Variants in GNG2 observed in about 807,000 individuals in gnomAD.
The protein encoded by GNG2 is G protein subunit gamma 2.
In GNG2, 5 loss-of-function variants were observed where a neutral mutation model predicts 5.5. The observed-to-expected ratio is 0.91, with a 90% CI of 0.48 to 1.92. The LOEUF (loss-of-function observed/expected upper bound fraction) is 1.92. Among genes scored for constraint, GNG2 ranks in the 30% most tolerant of loss-of-function variants. The pLI, the probability that GNG2 is intolerant of heterozygous loss-of-function variation, is 0.01. For synonymous variants in GNG2, 28 were observed against 32.0 expected, an observed-to-expected ratio of 0.88 and a Z score of 0.42; for missense variants, 55 against 88.4, an observed-to-expected ratio of 0.62 and a Z score of 1.52.
At chr14:51,832,750 A>G (rs1594828138) in intron 2 of GNG2, among the ~76,000 whole-genome samples, 1 of 152,334 alleles carries the variant, frequency 6.6e-6, no homozygotes, top group Non-Finnish European at 1.5e-5. Context: ...ATTCCATTAT[A>G]AGGGCCTCAC....
intron 2 of GNG2, among the ~76,000 whole-genome samples, chr14:51,880,497 C>G (rs1883975618): frequency 1.3e-5 from 2 of 152,268 alleles, no homozygotes; most frequent in Admixed American, 6.5e-5. Context: ...TGAAATAGAT[C>G]ACTGGGTTAT....
At chr14:51,946,338 T>A (rs1161947643) in intron 2 of GNG2, among the ~76,000 whole-genome samples, 1 of 152,162 alleles carries the variant, frequency 6.6e-6, no homozygotes, top group African/African-American at 2.4e-5. Context: ...AATATTCAGA[T>A]GTTGTCTGAT....
intron 2 of GNG2, among the ~76,000 whole-genome samples, chr14:51,843,964 T>C (rs558799929): frequency 5.5e-4 from 84 of 152,348 alleles, no homozygotes; most frequent in African/African-American, 1.9e-3. Context: ...GTCACCACCT[T>C]GGTTTCCACC....
At chr14:51,924,086 T>G (rs1377228765) in intron 2 of GNG2, among the ~76,000 whole-genome samples, 1 of 152,230 alleles carries the variant, frequency 6.6e-6, no homozygotes, top group Non-Finnish European at 1.5e-5. Flanking sequence ...ACCTTATAAA[T>G]TAAGCCACTA....
At chr14:51,872,939 T>G (rs1277125453) in intron 1 of GNG2, among the ~76,000 whole-genome samples, 1 of 152,210 alleles carries the variant, frequency 6.6e-6, no homozygotes, top group Non-Finnish European at 1.5e-5. Context: ...GCTGTTTTAT[T>G]TTATAGTTTT....
intron 1 of GNG2, among the ~76,000 whole-genome samples, chr14:51,871,126 T>A (rs1187174623): frequency 6.6e-6 from 1 of 152,168 alleles, no homozygotes; most frequent in East Asian, 1.9e-4. Context: ...TTTAAAGGCT[T>A]TATTTGGGAG....
chr14:51,857,407 G>A (rs1882213482), upstream of GNG2, among the ~76,000 whole-genome samples: 1 of 152,210 alleles, frequency 6.6e-6, no homozygotes, highest in South Asian at 2.1e-4. Flanking sequence ...GCCCTAAGGT[G>A]AGAATGTGGA....
chr14:51,921,946 C>T (rs1438477894), intron 2 of GNG2, among the ~76,000 whole-genome samples: 1 of 152,174 alleles, frequency 6.6e-6, no homozygotes, highest in East Asian at 1.9e-4. Context: ...TCTTAATACA[C>T]CCAAATCTCT....
intron 2 of GNG2, among the ~76,000 whole-genome samples, chr14:51,944,346 G>A (rs756961664): frequency 2.6e-5 from 4 of 152,274 alleles, no homozygotes; most frequent in East Asian, 1.9e-4. Flanking sequence ...ATTTGGAAAC[G>A]GCTGTTTTTT....
chr14:51,891,331 C>T (rs1008761340), intron 2 of GNG2, among the ~76,000 whole-genome samples: 8 of 152,194 alleles, frequency 5.3e-5, no homozygotes, highest in Admixed American at 3.3e-4. Flanking sequence ...TCTGGTCTTT[C>T]GTAGCTTCAT....
chr14:51,878,595 T>C (rs1262008376), intron 2 of GNG2, among the ~76,000 whole-genome samples: 2 of 152,224 alleles, frequency 1.3e-5, no homozygotes, highest in African/African-American at 4.8e-5. Flanking sequence ...CATCCATCCA[T>C]TTACGCATTC....
At chr14:51,854,179 C>G (rs1882044010) in intron 2 of GNG2, among the ~76,000 whole-genome samples, 1 of 152,116 alleles carries the variant, frequency 6.6e-6, no homozygotes, top group Non-Finnish European at 1.5e-5. Context: ...CGGCCTATCC[C>G]TGAATGTCTA....
chr14:51,941,807 A>T (rs547944608), intron 2 of GNG2, among the ~76,000 whole-genome samples: 1 of 152,354 alleles, frequency 6.6e-6, no homozygotes, highest in East Asian at 1.9e-4. Flanking sequence ...TTATTGTTCC[A>T]TAACAGGCCT....
intron 2 of GNG2, chr14:51,916,563 C>A (rs17124735): frequency 2.3e-6 from 1 of 440,354 alleles, no homozygotes; most frequent in Non-Finnish European, 4.5e-6. Context: ...CCTGGGACAG[C>A]GGATTTGCAG....
intron 2 of GNG2, among the ~76,000 whole-genome samples, chr14:51,852,647 A>G (rs1433840042): frequency 6.6e-6 from 1 of 152,248 alleles, no homozygotes; most frequent in Non-Finnish European, 1.5e-5. Context: ...TGCCAAGTCA[A>G]TAATTTGAGA....
At chr14:51,872,310 T>TTGTGTGTGTGTGTGTGTGTG (rs35147124) in intron 1 of GNG2, among the ~76,000 whole-genome samples, 24 of 149,986 alleles carry the variant, frequency 1.6e-4, no homozygotes, top group African/African-American at 5.9e-4. Flanking sequence ...AATGACTATT[T>TTGTGTGTGTGTGTGTGTGTG]TGTGTGTGTG....
At chr14:51,895,232 T>G (rs1246855400) in intron 2 of GNG2, among the ~76,000 whole-genome samples, 1 of 152,062 alleles carries the variant, frequency 6.6e-6, no homozygotes, top group Non-Finnish European at 1.5e-5. Context: ...CAGAATCAAA[T>G]AAAAAATTGG....
chr14:51,833,466 C>T (rs1881250988), intron 2 of GNG2, among the ~76,000 whole-genome samples: 1 of 152,180 alleles, frequency 6.6e-6, no homozygotes, highest in Non-Finnish European at 1.5e-5. Flanking sequence ...AAACAGTCCT[C>T]CTTAGAACCT....
At chr14:51,854,606 T>C (rs1594839298) in intron 2 of GNG2, among the ~76,000 whole-genome samples, 1 of 136,616 alleles carries the variant, frequency 7.3e-6, no homozygotes, top group African/African-American at 2.8e-5. Flanking sequence ...TCCTCCAGGG[T>C]TGCAAGCAAT....
Sources: gnomAD v4.1 joint callset for allele counts (sites outside exome capture counted in the v4.1 genomes callset) on GRCh38, gnomAD v4.1.1 for gene constraint, MANE v1.5 for transcripts, NCBI Gene and HGNC (gene_info 2026-07-23, HGNC 2026-07-21) for gene names.